IGF1R: variants seen among roughly 807,000 people sequenced by gnomAD.
IGF1R encodes the protein insulin like growth factor 1 receptor.
IGF1R carries 44 observed loss-of-function variants against 144.6 expected under a neutral mutation model. The observed-to-expected ratio is 0.30, with a 90% CI of 0.24 to 0.39. The LOEUF (loss-of-function observed/expected upper bound fraction) is 0.39. IGF1R is among the 10% of genes least tolerant of loss of function. The probability of loss-of-function intolerance (pLI) is 1.00; values close to 1 mark genes in which losing one functional copy is unlikely to be tolerated. For synonymous variants in IGF1R, 795 were observed against 722.8 expected (o/e 1.10, Z -1.60); for missense variants, 1,355 against 1,833.7 (o/e 0.74, Z 4.77).
intron 1 of IGF1R, among the ~76,000 whole-genome samples, chr15:98,682,271 A>G (rs564898893): frequency 2.0e-5 from 3 of 152,256 alleles, no homozygotes; most frequent in Admixed American, 2.0e-4. Flanking sequence ...CTGGGAAGGT[A>G]CCAGGAGAAA....
chr15:98,894,452 G>A (rs1024060295), intron 3 of IGF1R, among the ~76,000 whole-genome samples: 3 of 152,138 alleles, frequency 2.0e-5, no homozygotes, highest in Non-Finnish European at 4.4e-5. Context: ...GTTAAACTGT[G>A]GGACATCCAC....
chr15:98,810,021 G>A (rs969038285), intron 2 of IGF1R, among the ~76,000 whole-genome samples: 1 of 152,212 alleles, frequency 6.6e-6, no homozygotes, highest in African/African-American at 2.4e-5. Flanking sequence ...TGAACTAAGT[G>A]AAGGTGGGTC....
intron 8 of IGF1R, 68 bp from the exon 9 acceptor site, chr15:98,915,896 A>C: frequency 2.0e-6 from 3 of 1,466,544 alleles, no homozygotes; most frequent in Non-Finnish European, 2.9e-6. Flanking sequence ...TTGGCTTGCC[A>C]GAGTATCTGA....
At chr15:98,860,366 C>T (rs1483391149) in intron 2 of IGF1R, among the ~76,000 whole-genome samples, 2 of 152,158 alleles carry the variant, frequency 1.3e-5, no homozygotes, top group African/African-American at 2.4e-5. Context: ...TTTTGAACTC[C>T]GTGAAAGCAG....
At position 98,946,879 on chromosome 15, in the gene IGF1R, G is replaced by A. The variant is rs113319556; in HGVS notation, c.3588-1695G>A. Among the ~76,000 whole-genome samples, 94 of 152,352 alleles carry A rather than the reference G, an allele frequency of 6.2e-4. 1 individual carries two copies. In the Middle Eastern group the frequency reaches 0.01, roughly 17 times the overall value. ...GTCTGGGAGGGAGCCACATCCTCAG[G>A]CCATTTCCCAGACCAGCCTGCAGTC... On this transcript the variant is annotated intron_variant, in intron 19 of 20. Coordinates refer to ENST00000650285, the MANE Select transcript of IGF1R (RefSeq NM_000875.5).
intron 2 of IGF1R, among the ~76,000 whole-genome samples, chr15:98,850,784 G>A (rs888965816): frequency 2.0e-5 from 3 of 152,142 alleles, no homozygotes; most frequent in Non-Finnish European, 4.4e-5. Context: ...CAAGAAACTA[G>A]GTAGGGGTAC....
chr15:98,952,745 C>T (rs2016827702), intron 20 of IGF1R: 1 of 152,204 alleles, frequency 6.6e-6, no homozygotes, highest in Non-Finnish European at 1.5e-5. Flanking sequence ...AAACGCAGGG[C>T]ACTTCCTGTT....
At position 98,899,474 on chromosome 15, in the gene IGF1R, T is replaced by TAG. The variant is rs753859763; in HGVS notation, c.1103-1_1103dup. 1 of 1,614,072 alleles carries TAG rather than the reference T, an allele frequency of 6.2e-7. No individual in the cohort carries two copies. Among genetic ancestry groups the TAG allele is most frequent in the Non-Finnish European group, 8.5e-7 (1 of 1,179,930 alleles). On this transcript the variant is annotated splice_polypyrimidine_tract_variant and splice_region_variant and intron_variant, in intron 4 of 20. Transcript: ENST00000650285. ...ACAGTGACACAATCCCCTTTCAATG[T>TAG]AGATAACATTGCTTCAGAGCTGGAG...
Position 98,935,272 on chromosome 15 carries a change from G to A in IGF1R, c.3187-44G>A. The A allele has an allele frequency of 5.0e-6, 6 of 1,195,444 alleles. No individual in the cohort carries two copies. Among genetic ancestry groups the A allele is most frequent in the Middle Eastern group, 2.5e-4 (1 of 4,042 alleles). 74.1% of individuals were successfully genotyped at this position (1,195,444 alleles called of 1,614,324 possible). On this transcript the variant is annotated intron_variant, in intron 16 of 20. Coordinates refer to ENST00000650285, the MANE Select transcript of IGF1R (RefSeq NM_000875.5). This position sits in a 1 kb window ranked among gnomAD's most constrained non-coding sequence, Gnocchi z 4.2. ...TCCAGACAACACAGGCATCAGCAAGGGCCACCTGACCCTCTGAGTCTTTCT... is the reference window on the plus strand; with the variant it reads ...TCCAGACAACACAGGCATCAGCAAGAGCCACCTGACCCTCTGAGTCTTTCT...
At chr15:98,809,558 A>G (rs2056541275) in intron 2 of IGF1R, among the ~76,000 whole-genome samples, 2 of 152,170 alleles carry the variant, frequency 1.3e-5, no homozygotes, top group African/African-American at 2.4e-5. Context: ...TTTTCCCTCC[A>G]TGTTTTTATA....
At chr15:98,700,025 A>C (rs45600138) in intron 1 of IGF1R, among the ~76,000 whole-genome samples, 17 of 152,238 alleles carry the variant, frequency 1.1e-4, no homozygotes, top group Non-Finnish European at 1.6e-4. Context: ...TAAAGGGCTT[A>C]ACATGAATTG....
intron 5 of IGF1R, among the ~76,000 whole-genome samples, chr15:98,903,017 C>A (rs1020775917): frequency 1.3e-5 from 2 of 152,126 alleles, no homozygotes; most frequent in Non-Finnish European, 1.5e-5. Context: ...AACCCAGTTA[C>A]AAAAGCCATA....
intron 2 of IGF1R, among the ~76,000 whole-genome samples, chr15:98,783,084 A>G (rs151027576): frequency 5.3e-4 from 81 of 152,298 alleles, no homozygotes; most frequent in African/African-American, 1.9e-3. Flanking sequence ...TGGCAAGTTA[A>G]TTTATTTGTT....
At chr15:98,762,914 C>T (rs959461459) in intron 2 of IGF1R, among the ~76,000 whole-genome samples, 3 of 151,948 alleles carry the variant, frequency 2.0e-5, no homozygotes, top group African/African-American at 7.3e-5. Context: ...GGTGTGGTGG[C>T]AGGTGCCTGT....
chr15:98,693,117 A>G (rs1455844936), intron 1 of IGF1R, among the ~76,000 whole-genome samples: 8 of 152,038 alleles, frequency 5.3e-5, no homozygotes, highest in Admixed American at 5.2e-4. Context: ...CACCCCCCTG[A>G]CCCCATATGA....
rs572204601 is a variant in IGF1R, at chr15:98,957,911, C to G, written c.*469C>G. 2 of 239,658 alleles carry G rather than the reference C, an allele frequency of 8.3e-6. No homozygotes were observed. The highest frequency in any genetic ancestry group is 1.6e-5 in the Non-Finnish European group (2 of 122,520). 14.8% of individuals were successfully genotyped at this position (239,658 alleles called of 1,614,324 possible). A position where few individuals can be genotyped will look rare whatever the true frequency, so the allele number is the denominator to read the frequency against. On this transcript the variant is annotated 3_prime_UTR_variant, in exon 21 of 21. Coordinates refer to ENST00000650285, the MANE Select transcript of IGF1R (RefSeq NM_000875.5). ...ACCCGCCTGACACCGTGGGTCATTACAAAAAAACACGTGGAGATGGAAATT... is the reference window on the plus strand; with the variant it reads ...ACCCGCCTGACACCGTGGGTCATTAGAAAAAAACACGTGGAGATGGAAATT...
At chr15:98,803,538 C>T (rs1369834527) in intron 2 of IGF1R, among the ~76,000 whole-genome samples, 5 of 29,404 alleles carry the variant, frequency 1.7e-4, no homozygotes, top group Non-Finnish European at 5.1e-4. Flanking sequence ...TAGGGTCTTG[C>T]TCTGTCCCCC....
intron 2 of IGF1R, among the ~76,000 whole-genome samples, chr15:98,738,473 C>G (rs1234867784): frequency 1.3e-5 from 2 of 152,164 alleles, no homozygotes. Flanking sequence ...GAGTTCGAGG[C>G]TAAAGTGAGC....
At position 98,913,263 on chromosome 15, in the gene IGF1R, C is replaced by T; in HGVS notation, c.1809C>T (p.Tyr603=). Reference sequence around the variant, plus strand: ...GTGGGGCCAAGAGTGAGATCTTGTACATTCGCACCAATGCTTCAGGTATCC... The same window carrying T: ...GTGGGGCCAAGAGTGAGATCTTGTATATTCGCACCAATGCTTCAGGTATCC... ...HIRGAKSEIL[Y]IRTNASVPSI... is the part of the protein sequence containing the mutation. The change falls in exon 8 of 21, where the codon TAC becomes TAT. Residue 603 remains tyrosine (Y), a synonymous_variant. Coordinates refer to ENST00000650285, the MANE Select transcript of IGF1R (RefSeq NM_000875.5). 6.2e-7 allele frequency: 1 copy of T among 1,613,850 alleles called. No homozygotes were observed. Among genetic ancestry groups the T allele is most frequent in the Non-Finnish European group, 8.5e-7 (1 of 1,179,730 alleles).
Sources: allele counts gnomAD v4.1 joint callset (sites outside exome capture counted in the v4.1 genomes callset), GRCh38; gene constraint gnomAD v4.1.1; non-coding constraint Gnocchi (gnomAD v3.1); transcripts MANE v1.5; gene names NCBI Gene and HGNC (gene_info 2026-07-23, HGNC 2026-07-21).